The following HPS3 variants were observed in gnomAD, a reference collection of about 807,000 sequenced individuals.
The protein encoded by HPS3 is BLOC-2 complex member HPS3.
HPS3 carries 79 observed loss-of-function variants against 110.9 expected under a neutral mutation model. The observed-to-expected ratio is 0.71, with a 90% confidence interval of 0.59 to 0.86. The LOEUF (loss-of-function observed/expected upper bound fraction) is 0.86, where lower values mean the gene tolerates loss of function less well. Ranked by LOEUF, HPS3 falls within the 40% of genes least tolerant of loss-of-function variation. The pLI is 0.00. For missense variants in HPS3, 1,197 were observed against 1,206.2 expected, an observed-to-expected ratio of 0.99 and a Z score of 0.11; for synonymous variants, 428 against 451.0, an observed-to-expected ratio of 0.95 and a Z score of 0.65.
At chr3:149,153,732 A>G (rs2108153101) in intron 7 of HPS3, 84 bp downstream of exon 7, 1 of 1,400,926 alleles carries the variant, frequency 7.1e-7, no homozygotes, top group South Asian at 1.2e-5. Context: ...CTTTTTTCAA[A>G]TCATAACTTG....
chr3:149,158,745 A>C lies in HPS3; in HGVS notation c.1771A>C (p.Thr591Pro). 1 of 1,612,912 alleles carries C rather than the reference A, an allele frequency of 6.2e-7. No homozygotes were observed. ...GLSMAEVLAR[T>P]DWTVEDGLQK... is the part of the protein sequence containing the mutation. ...GTCTATGGCTGAAGTTCTGGCCCGC[A>C]CGGACTGGACAGTAGAGGATGGATT... Residue 591 changes from threonine to proline, a missense_variant, in exon 10 of 17, where the codon ACG becomes CCG. Thr to Pro is a conservative substitution (Grantham distance 38). Coordinates refer to ENST00000296051, the MANE Select transcript of HPS3 (RefSeq NM_032383.5).
chr3:149,158,608 T>G, intron 9 of HPS3, 58 bp from the exon 10 acceptor site: 3 of 1,476,904 alleles, frequency 2.0e-6, no homozygotes, highest in Non-Finnish European at 2.8e-6. Context: ...GGCAACATAG[T>G]GAGACCCCGT....
Position 149,163,963 on chromosome 3 carries a change from C to A in HPS3, c.2589+14C>A. 8.1e-7 allele frequency: 1 copy of A among 1,229,556 alleles called. No homozygotes were observed. Among genetic ancestry groups the A allele is most frequent in the Non-Finnish European group, 1.2e-6 (1 of 830,854 alleles). The allele number at this position is 1,229,556 out of a possible 1,614,324, so 76.2% of individuals were successfully genotyped here. On this transcript the variant is annotated intron_variant, in intron 14 of 16. Coordinates refer to ENST00000296051, the MANE Select transcript of HPS3 (RefSeq NM_032383.5). ...TCAAAATTACAGGTAAGTAAAAATACCTCCTTTTCTTATGAAATTGCATAT... is the reference window on the plus strand; with the variant it reads ...TCAAAATTACAGGTAAGTAAAAATAACTCCTTTTCTTATGAAATTGCATAT...
chr3:149,147,642 A>G (rs557632308), intron 5 of HPS3, among the ~76,000 whole-genome samples: 64 of 152,084 alleles, frequency 4.2e-4, no homozygotes, highest in Non-Finnish European at 6.2e-4. Context: ...CATCTCTCTT[A>G]TTTATAAGTT....
rs1351803827 is a variant in HPS3, at chr3:149,167,936, T to C, written c.2840T>C (p.Ile947Thr). 1 of 1,608,068 alleles carries C rather than the reference T, an allele frequency of 6.2e-7. No homozygotes were observed. Among genetic ancestry groups the C allele is most frequent in the Admixed American group, 1.7e-5 (1 of 59,998 alleles). Residue 947 changes from isoleucine to threonine, a missense_variant, in exon 16 of 17, where the codon ATA (isoleucine) becomes ACA (threonine). Transcript: ENST00000296051. Reference protein sequence around the residue: ...KKLLPELCQRIKCGGEKYQLY... With the variant: ...KKLLPELCQRTKCGGEKYQLY... ...CTGTTGCCTGAACTTTGTCAGAGAA[T>C]AAAATGTGGTGGAGAGAAGTATCAA...
intron 16 of HPS3, among the ~76,000 whole-genome samples, chr3:149,171,409 T>G (rs1391526686): frequency 6.8e-6 from 1 of 147,468 alleles, no homozygotes; most frequent in East Asian, 2.0e-4. Context: ...GGGAAAACAT[T>G]GGTGTTTCTT....
In HPS3 at chr3:149,167,144, C is replaced by G; in HGVS notation, c.2700C>G (p.Arg900=). The G allele has an allele frequency of 6.2e-7, 1 of 1,613,862 alleles. No homozygotes were observed. The highest frequency in any genetic ancestry group is 1.3e-5 in the African/African-American group (1 of 75,040). Reference sequence around the variant, plus strand: ...GTGTCCATGTTCTGTGTCGTACACGCTTGAAAGAGTATGAACAGTGCATAG... The same window carrying G: ...GTGTCCATGTTCTGTGTCGTACACGGTTGAAAGAGTATGAACAGTGCATAG... ...GLSVHVLCRT[R]LKEYEQCIDI... The change falls in exon 15 of 17, where the codon CGC becomes CGG. Residue 900 remains arginine, a synonymous_variant. Coordinates refer to ENST00000296051, the MANE Select transcript of HPS3 (RefSeq NM_032383.5).
intron 14 of HPS3, 114 bp downstream of exon 14, chr3:149,164,063 C>G (rs1398397899): frequency 1.6e-6 from 1 of 637,314 alleles, no homozygotes; most frequent in African/African-American, 1.8e-5. Flanking sequence ...TTTTGAGGGA[C>G]AAAATCCATA....
intron 1 of HPS3, among the ~76,000 whole-genome samples, chr3:149,134,320 A>G (rs898345914): frequency 6.6e-6 from 1 of 152,192 alleles, no homozygotes; most frequent in African/African-American, 2.4e-5. Context: ...CTCACTTTCA[A>G]GAGTTCTACT....
chr3:149,168,048 T>A, intron 16 of HPS3, 65 bp downstream of exon 16: 1 of 953,822 alleles, frequency 1.0e-6, no homozygotes, highest in Non-Finnish European at 1.7e-6. Flanking sequence ...GGTGAAGCCT[T>A]CTTAAGTATT....
rs1016724653 is a variant in HPS3, at chr3:149,162,474, T to C, written c.2292+141T>C. The C allele has an allele frequency of 5.5e-6, 5 of 901,246 alleles. No homozygotes were observed. The African/African-American group carries it at 8.4e-5, about 15-fold the overall frequency. The allele number at this position is 901,246 out of a possible 1,614,324, so 55.8% of individuals were successfully genotyped here. On this transcript the variant is annotated intron_variant, in intron 12 of 16. Transcript: ENST00000296051. ...ACATAATCAGTTTATAAGATAAAAG[T>C]ACTAATTAAAAGACTATATCTGTAG... is the stretch of plus-strand genomic sequence containing the variant.
chr3:149,152,381 C>T (rs1470894955), intron 6 of HPS3, among the ~76,000 whole-genome samples: 3 of 151,982 alleles, frequency 2.0e-5, no homozygotes, highest in Non-Finnish European at 2.9e-5. Context: ...TTTTCAGAGT[C>T]TTATAAAAGG....
chr3:149,145,797 A>G lies in HPS3; in HGVS notation c.1163+251A>G, dbSNP rs11719052. ...CCTGTAAGGAAGTATAAGGTTCTTC[A>G]TAAAGGAAGACTTTCATAGGGAGTT... On this transcript the variant is annotated intron_variant, in intron 5 of 16. Transcript: ENST00000296051. 0.27 allele frequency among the ~76,000 whole-genome samples: 41,480 copies of G among 151,886 alleles called. 6,255 individuals are homozygous for G. Among genetic ancestry groups the G allele is most frequent in the African/African-American group, 0.42 (17,510 of 41,350 alleles).
chr3:149,155,051 A>G, intron 7 of HPS3, 56 bp from the exon 8 acceptor site: 2 of 889,640 alleles, frequency 2.2e-6, no homozygotes, highest in Non-Finnish European at 1.9e-6. Flanking sequence ...ACCATTTACA[A>G]CTACCATTTA....
At position 149,145,383 on chromosome 3, in the gene HPS3, T is replaced by C. The variant is rs2108137939; in HGVS notation, c.1000T>C (p.Ser334Pro). 6.2e-7 allele frequency: 1 copy of C among 1,614,024 alleles called. No individual in the cohort carries two copies. The highest frequency in any genetic ancestry group is 8.5e-7 in the Non-Finnish European group (1 of 1,179,932). The stretch of plus-strand genomic sequence containing the variant: ...TCTTACATCTGATGGAAAAAATTTG[T>C]CTCAGGAAAAAGAATTGCTGAGTCT... Reference protein sequence around the residue: ...GSLTSDGKNLSQEKELLSLFC... With the variant: ...GSLTSDGKNLPQEKELLSLFC... Residue 334 changes from serine to proline, a missense_variant, in exon 5 of 17, where the codon TCT (serine) becomes CCT (proline). By Grantham distance (74) the Ser-to-Pro change is moderately conservative. Transcript: ENST00000296051.
At chr3:149,149,611 T>A (rs764680397) in intron 5 of HPS3, among the ~76,000 whole-genome samples, 11 of 152,098 alleles carry the variant, frequency 7.2e-5, no homozygotes, top group East Asian at 5.8e-4. Context: ...GGACATTTTT[T>A]AAATTTAATA....
intron 1 of HPS3, among the ~76,000 whole-genome samples, chr3:149,138,246 C>T (rs1013709039): frequency 7.9e-5 from 12 of 152,138 alleles, no homozygotes; most frequent in African/African-American, 2.7e-4. Flanking sequence ...GCCTGGTCAG[C>T]CCAGTGAATG....
chr3:149,145,955 AG>A (rs1158091432), intron 5 of HPS3, among the ~76,000 whole-genome samples: 6 of 152,180 alleles, frequency 3.9e-5, no homozygotes, highest in Non-Finnish European at 8.8e-5. Context: ...AGAACTGTGA[AG>A]GGGCCAGAGA....
chr3:149,142,462 G>C (rs1264501542), intron 4 of HPS3, among the ~76,000 whole-genome samples: 2 of 152,116 alleles, frequency 1.3e-5, no homozygotes, highest in Non-Finnish European at 2.9e-5. Context: ...TGATACTCAG[G>C]CTCTACATGC....
Sources: allele counts gnomAD v4.1 joint callset (sites outside exome capture counted in the v4.1 genomes callset), GRCh38; gene constraint gnomAD v4.1.1; transcripts MANE v1.5; gene names NCBI Gene and HGNC (gene_info 2026-07-23, HGNC 2026-07-21).